Variants in CHD2 observed in about 807,000 individuals in gnomAD.
CHD2 encodes the protein chromodomain helicase DNA binding protein 2.
In CHD2, 28 loss-of-function variants were observed where a neutral mutation model predicts 243.9. The observed-to-expected ratio is 0.11, with a 90% confidence interval of 0.09 to 0.16. The LOEUF (loss-of-function observed/expected upper bound fraction) is 0.16, where lower values mean the gene tolerates loss of function less well. Ranked by LOEUF, CHD2 falls within the 10% of genes least tolerant of loss-of-function variation. The pLI, the probability that CHD2 is intolerant of heterozygous loss-of-function variation, is 1.00. For missense variants in CHD2, 1,386 were observed against 2,209.8 expected (o/e 0.63, Z 7.47); for synonymous variants, 775 against 779.0 (o/e 0.99, Z 0.09).
At chr15:92,942,810 A>G in intron 8 of CHD2, 33 bp from the exon 9 acceptor site, 1 of 1,529,154 alleles carries the variant, frequency 6.5e-7, no homozygotes, top group Non-Finnish European at 8.8e-7. Context: ...GGTGTAATAT[A>G]CTCTCTTTCA....
intron 26 of CHD2, among the ~76,000 whole-genome samples, chr15:92,987,752 T>C (rs1450382924): frequency 3.9e-5 from 6 of 152,162 alleles, no homozygotes; most frequent in Non-Finnish European, 8.8e-5. Context: ...TGCATTTTGC[T>C]ATTTGTCTTC....
chr15:92,976,653 CA>C (rs11354443), intron 20 of CHD2, among the ~76,000 whole-genome samples: 100,438 of 133,644 alleles, frequency 0.75, 37,706 homozygotes, highest in East Asian at 0.96. Flanking sequence ...CTGTCTCTAC[CA>C]AAAAAAAAAA....
At chr15:92,999,601 A>G (rs901818082) in intron 31 of CHD2, among the ~76,000 whole-genome samples, 5 of 152,100 alleles carry the variant, frequency 3.3e-5, no homozygotes, top group African/African-American at 1.2e-4. Flanking sequence ...ATTTCCCTGT[A>G]TTATTATAAG....
At chr15:92,987,541 A>C (rs756388886) in intron 26 of CHD2, among the ~76,000 whole-genome samples, 1 of 151,986 alleles carries the variant, frequency 6.6e-6, no homozygotes, top group Non-Finnish European at 1.5e-5. Flanking sequence ...CAGGAGGCCA[A>C]GGTTTGCAGT....
chr15:93,006,415 G>A (rs1470543043), intron 34 of CHD2, among the ~76,000 whole-genome samples: 1 of 152,034 alleles, frequency 6.6e-6, no homozygotes, highest in African/African-American at 2.4e-5. Context: ...GTGAGCCACC[G>A]CACCCGGCCT....
intron 2 of CHD2, chr15:92,904,862 T>C (rs2052590138): frequency 2.0e-6 from 3 of 1,526,986 alleles, no homozygotes; most frequent in Non-Finnish European, 2.6e-6. Flanking sequence ...CGGATACTTT[T>C]ATTTTAGTGA....
intron 12 of CHD2, among the ~76,000 whole-genome samples, chr15:92,947,923 A>G (rs188905937): frequency 7.1e-4 from 108 of 152,352 alleles, no homozygotes; most frequent in Admixed American, 5.6e-3. Flanking sequence ...AGTCCCCTGA[A>G]AAAAGACTTT....
chr15:92,902,437 A>G, intron 2 of CHD2: 1 of 352,608 alleles, frequency 2.8e-6, no homozygotes, highest in Non-Finnish European at 5.0e-6. Flanking sequence ...TTTCCTTCCC[A>G]ATTTTTACTT....
intron 2 of CHD2, among the ~76,000 whole-genome samples, chr15:92,923,924 A>T (rs1432780639): frequency 6.6e-6 from 1 of 152,064 alleles, no homozygotes; most frequent in Non-Finnish European, 1.5e-5. Flanking sequence ...AATGATACTT[A>T]ACAGATAAGA....
Position 92,944,320 on chromosome 15 carries a change from A to C in CHD2, c.1053-95A>C, listed in dbSNP as rs2053429157. On this transcript the variant is annotated intron_variant, in intron 9 of 38. Coordinates refer to ENST00000394196, the MANE Select transcript of CHD2 (RefSeq NM_001271.4). ...CTTAAGGGGCAGATGGGAGTAAAAA[A>C]TAGGTTTTCTTTTCCACCTTTGACT... 8.2e-6 allele frequency: 5 copies of C among 608,506 alleles called. No individual in the cohort carries two copies. The South Asian group carries it at 1.2e-4, about 15-fold the overall frequency. The allele number at this position is 608,506 out of a possible 1,614,324, so 37.7% of individuals were successfully genotyped here. A position where few individuals can be genotyped will look rare whatever the true frequency, so the allele number is the denominator to read the frequency against.
chr15:92,935,015 G>GTTT (rs112532540), intron 5 of CHD2, among the ~76,000 whole-genome samples: 1 of 146,694 alleles, frequency 6.8e-6, no homozygotes, highest in East Asian at 2.0e-4. Context: ...GATTTGCTAA[G>GTTT]TTTTTTTTTT....
intron 22 of CHD2, among the ~76,000 whole-genome samples, chr15:92,980,226 T>C (rs1396604864): frequency 2.8e-5 from 4 of 143,950 alleles, no homozygotes; most frequent in African/African-American, 5.0e-5. Context: ...TTTTTTCTTT[T>C]TTTTTTTTTT....
chr15:92,940,952 TAAATATATATAAATATAA>T (rs1279616299), intron 7 of CHD2, among the ~76,000 whole-genome samples: 7 of 124,552 alleles, frequency 5.6e-5, no homozygotes, highest in South Asian at 2.4e-4. Context: ...TATATAAATA[TAAATATATATAAATATAA>T]ATATAAATAT....
chr15:92,964,276 A>G (rs1047639799), intron 16 of CHD2, among the ~76,000 whole-genome samples: 1 of 152,212 alleles, frequency 6.6e-6, no homozygotes, highest in African/African-American at 2.4e-5. Context: ...GTCATTTTCA[A>G]ATAAAGTTTC....
At position 92,998,355 on chromosome 15, in the gene CHD2, T is replaced by C; in HGVS notation, c.3886-144T>C. 3 of 1,386,764 alleles carry C rather than the reference T, an allele frequency of 2.2e-6. No individual in the cohort carries two copies. The highest frequency in any genetic ancestry group is 2.6e-4 in the Middle Eastern group (1 of 3,818). 85.9% of individuals were successfully genotyped at this position (1,386,764 alleles called of 1,614,324 possible). A position where few individuals can be genotyped will look rare whatever the true frequency, so the allele number is the denominator to read the frequency against. On this transcript the variant is annotated intron_variant, in intron 30 of 38. Coordinates refer to ENST00000394196, the MANE Select transcript of CHD2 (RefSeq NM_001271.4). The surrounding 1 kb of genome is among the most constrained non-coding windows in gnomAD (Gnocchi z 5.1). ...TTTCAGTGACTGGGAGCCATGGACA[T>C]GAGATAGGATCTGAGGCTTTATCTA...
chr15:93,024,563 C>T lies in CHD2; in HGVS notation c.5345C>T (p.Pro1782Leu), dbSNP rs765977212. The change falls in exon 39 of 39, where the codon CCT (proline) becomes CTT (leucine). Residue 1782 changes from proline to leucine, a missense_variant. By Grantham distance (98) the Pro-to-Leu change is moderately conservative. Around this residue, in one of 19 missense-constraint regions of CHD2, gnomAD observed 347 missense variants for 341.6 expected, o/e 1.02. Coordinates refer to ENST00000394196, the MANE Select transcript of CHD2 (RefSeq NM_001271.4). ...EYKQPLPPLH[P>L]AVSDPRSPPS... is the part of the protein sequence containing the mutation. The stretch of plus-strand genomic sequence containing the variant: ...AAACAGCCTCTACCCCCATTGCACC[C>T]TGCAGTCTCAGATCCTCGCTCACCC... 6.8e-6 allele frequency: 11 copies of T among 1,614,248 alleles called. No individual in the cohort carries two copies. Among genetic ancestry groups the T allele is most frequent in the African/African-American group, 1.3e-5 (1 of 75,058 alleles).
intron 7 of CHD2, 89 bp from the exon 8 acceptor site, chr15:92,941,733 T>G: frequency 7.6e-7 from 1 of 1,321,020 alleles, no homozygotes; most frequent in South Asian, 1.3e-5. Context: ...ACCAAAAGGG[T>G]ATGGTTTCTT....
intron 2 of CHD2, among the ~76,000 whole-genome samples, chr15:92,918,564 A>G (rs927295430): frequency 2.7e-4 from 41 of 152,258 alleles, no homozygotes; most frequent in African/African-American, 9.9e-4. Context: ...TTTGTTATTT[A>G]GGTGAAGGCT....
chr15:92,966,066 C>CTT (rs533059554), intron 16 of CHD2, among the ~76,000 whole-genome samples: 26 of 132,914 alleles, frequency 2.0e-4, no homozygotes, highest in South Asian at 4.8e-4. Flanking sequence ...TTTTTCTTTT[C>CTT]TTTTTTTTTT....
Sources: gnomAD v4.1 joint callset for allele counts (sites outside exome capture counted in the v4.1 genomes callset) on GRCh38, gnomAD v4.1.1 for gene constraint, gnomAD v4.1.1 regional missense constraint, Gnocchi (gnomAD v3.1) non-coding constraint, MANE v1.5 for transcripts, NCBI Gene and HGNC (gene_info 2026-07-23, HGNC 2026-07-21) for gene names.